Variants in KIF1B observed in about 807,000 individuals in gnomAD.
KIF1B encodes kinesin-like protein KIF1B.
A neutral mutation model predicts 241.9 loss-of-function variants in KIF1B; 76 were observed. The observed-to-expected ratio is 0.31, with a 90% confidence interval of 0.26 to 0.38. The LOEUF (loss-of-function observed/expected upper bound fraction) is 0.38. Ranked by LOEUF, KIF1B falls within the 10% of genes least tolerant of loss-of-function variation. The pLI, the probability that KIF1B is intolerant of heterozygous loss-of-function variation, is 1.00. For synonymous variants in KIF1B, 750 were observed against 796.7 expected, an observed-to-expected ratio of 0.94 and a Z score of 0.99; for missense variants, 1,622 against 2,271.4, an observed-to-expected ratio of 0.71 and a Z score of 5.81.
In KIF1B at chr1:10,268,249, C is replaced by T; in HGVS notation, c.706C>T (p.Leu236Phe). The T allele has an allele frequency of 1.2e-6, 2 of 1,606,272 alleles. No individual in the cohort carries two copies. Among genetic ancestry groups the T allele is most frequent in the Non-Finnish European group, 1.7e-6 (2 of 1,172,854 alleles). ...GAAGAAACACGATAATGAGACCAACCTTTCCACTGAGAAGGTAGGAGAGTT... is the reference window on the plus strand; with the variant it reads ...GAAGAAACACGATAATGAGACCAACTTTTCCACTGAGAAGGTAGGAGAGTT... ...TQKKHDNETN[L>F]STEKVSKISL... The change falls in exon 7 of 49, where the codon CTT becomes TTT. Residue 236 changes from leucine (L) to phenylalanine (F), a missense_variant. By Grantham distance (22) the Leu-to-Phe change is conservative. Around this residue, in one of 7 missense-constraint regions of KIF1B, gnomAD observed 201 missense variants for 301.2 expected, o/e 0.67. Transcript: ENST00000676179.
At chr1:10,252,052 A>G (rs1281835205) in intron 2 of KIF1B, among the ~76,000 whole-genome samples, 1 of 151,576 alleles carries the variant, frequency 6.6e-6, no homozygotes, top group Non-Finnish European at 1.5e-5. Context: ...TTATTTATTT[A>G]TTTTTGAGAT....
chr1:10,295,317 G>A (rs1267600441), intron 18 of KIF1B, 152 bp downstream of exon 18: 9 of 675,186 alleles, frequency 1.3e-5, no homozygotes, highest in East Asian at 2.7e-5. Flanking sequence ...TCCAAATAAT[G>A]TGTTTTTGCC....
chr1:10,335,166 G>A (rs966247163), intron 28 of KIF1B, among the ~76,000 whole-genome samples: 8 of 152,200 alleles, frequency 5.3e-5, no homozygotes, highest in African/African-American at 1.9e-4. Flanking sequence ...AGTCTCGATC[G>A]AACTCCTGAG....
At chr1:10,333,671 G>A (rs545109021) in intron 27 of KIF1B, among the ~76,000 whole-genome samples, 3 of 152,092 alleles carry the variant, frequency 2.0e-5, no homozygotes, top group African/African-American at 7.2e-5. Context: ...CAGCCTGGGT[G>A]ACAGAGTGAG....
intron 24 of KIF1B, 104 bp downstream of exon 24, chr1:10,321,961 C>A: frequency 8.1e-7 from 1 of 1,241,464 alleles, no homozygotes; most frequent in South Asian, 1.3e-5. Context: ...GGGAACTCAG[C>A]TGCTTTGTGC....
chr1:10,297,769 A>G (rs1420915500), intron 22 of KIF1B, among the ~76,000 whole-genome samples: 1 of 150,632 alleles, frequency 6.6e-6, no homozygotes, highest in Non-Finnish European at 1.5e-5. Context: ...TCCTTTCCTT[A>G]TCCCCTGCAT....
intron 44 of KIF1B, among the ~76,000 whole-genome samples, chr1:10,370,367 GC>G (rs1638695545): frequency 1.3e-5 from 2 of 152,070 alleles, no homozygotes; most frequent in African/African-American, 4.8e-5. Flanking sequence ...TTCAAGACGA[GC>G]CTGGGCAACA....
At position 10,232,263 on chromosome 1, in the gene KIF1B, A is replaced by G. The variant is rs1646993158; in HGVS notation, c.-66A>G. On this transcript the variant is annotated 5_prime_UTR_variant, in exon 2 of 49. Transcript: ENST00000676179. ...TTCTTTTCAAAGGAAACTTGGCTGT[A>G]ACTTCAAAAGAAGATTTGATTCTTT... The G allele has an allele frequency of 7.9e-7, 1 of 1,269,208 alleles. No individual in the cohort carries two copies. Among genetic ancestry groups the G allele is most frequent in the Non-Finnish European group, 1.1e-6 (1 of 887,462 alleles). The allele number at this position is 1,269,208 out of a possible 1,614,324, so 78.6% of individuals were successfully genotyped here. A position where few individuals can be genotyped will look rare whatever the true frequency, so the allele number is the denominator to read the frequency against.
In KIF1B at chr1:10,303,452, G is replaced by A. The variant is rs776546149; in HGVS notation, c.2115+6206G>A. The A allele has an allele frequency of 2.7e-5, 44 of 1,614,076 alleles. No homozygotes were observed. Among genetic ancestry groups the A allele is most frequent in the African/African-American group, 4.0e-5 (3 of 74,924 alleles). On this transcript the variant is annotated intron_variant, in intron 22 of 48. Coordinates refer to ENST00000676179, the MANE Select transcript of KIF1B (RefSeq NM_001365951.3). The surrounding 1 kb of genome is among the most constrained non-coding windows in gnomAD (Gnocchi z 5.2). ...GCTCTCAATGACTTCAGGCACAGTC[G>A]GCAGGAGATTGAAGCCCTGGCCATT...
chr1:10,292,403 G>T, intron 17 of KIF1B: 1 of 373,480 alleles, frequency 2.7e-6, no homozygotes, highest in Non-Finnish European at 5.0e-6. Flanking sequence ...TTTATTTGTT[G>T]CTTTCTCTTA....
chr1:10,214,207 C>T (rs1036798865), intron 1 of KIF1B, among the ~76,000 whole-genome samples: 1 of 152,086 alleles, frequency 6.6e-6, no homozygotes, highest in African/African-American at 2.4e-5. Context: ...TTACTATAGG[C>T]ATTACCCATT....
At chr1:10,281,665 T>C (rs1365048546) in intron 14 of KIF1B, among the ~76,000 whole-genome samples, 1 of 152,228 alleles carries the variant, frequency 6.6e-6, no homozygotes, top group Non-Finnish European at 1.5e-5. Context: ...GGCAATCAAT[T>C]AGTCCTGAGT....
chr1:10,223,546 GTTTTT>G (rs113574017), intron 1 of KIF1B, among the ~76,000 whole-genome samples: 2 of 131,248 alleles, frequency 1.5e-5, no homozygotes, highest in Admixed American at 7.5e-5. Context: ...GTTTTGTTTT[GTTTTT>G]TTTTTTTTTT....
intron 2 of KIF1B, among the ~76,000 whole-genome samples, chr1:10,244,301 CTTT>C (rs113257444): frequency 4.5e-4 from 63 of 141,236 alleles, no homozygotes; most frequent in African/African-American, 1.6e-3. Flanking sequence ...TGCCATTTTT[CTTT>C]TTTTTCTTTT....
chr1:10,292,113 A>C lies in KIF1B; in HGVS notation c.1581A>C (p.Ser527=). 1 of 1,613,670 alleles carries C rather than the reference A, an allele frequency of 6.2e-7. No individual in the cohort carries two copies. The highest frequency in any genetic ancestry group is 8.5e-7 in the Non-Finnish European group (1 of 1,179,620). The change falls in exon 17 of 49, where the codon TCA becomes TCC. Residue 527 remains serine (S), a synonymous_variant. Transcript: ENST00000676179. ...REDGGTLGVF[S]PKKTPHLVNL... ...ATGGAGGAACCCTAGGGGTTTTCTC[A>C]CCTAAAAAGGTAGGAAACAATGCTG... is the stretch of plus-strand genomic sequence containing the variant.
chr1:10,365,090 CTT>C lies in KIF1B; in HGVS notation c.4367-9_4367-8del, dbSNP rs760020005. On this transcript the variant is annotated splice_region_variant and splice_polypyrimidine_tract_variant and intron_variant, in intron 41 of 48. Coordinates refer to ENST00000676179, the MANE Select transcript of KIF1B (RefSeq NM_001365951.3). This position sits in a 1 kb window ranked among gnomAD's most constrained non-coding sequence, Gnocchi z 4.0. ...TTTCTGAAACAAAAACTTGTTTCCTCTTGTCTTAGGTATGCAGAGAAGGAGAA... is the reference window on the plus strand; with the variant it reads ...TTTCTGAAACAAAAACTTGTTTCCTCGTCTTAGGTATGCAGAGAAGGAGAA... 3 of 1,611,392 alleles carry C rather than the reference CTT, an allele frequency of 1.9e-6. No individual in the cohort carries two copies. Among genetic ancestry groups the C allele is most frequent in the Middle Eastern group, 1.7e-4 (1 of 6,018 alleles).
chr1:10,375,401 GTTTTTGAGACGGAGTCTCAC>G (rs778627341), intron 48 of KIF1B, 28 bp downstream of exon 48: 18 of 1,564,660 alleles, frequency 1.2e-5, no homozygotes, highest in Non-Finnish European at 1.5e-5. Context: ...TGTTGTTGTT[GTTTTTGAGACGGAGTCTCAC>G]TTTTTCTCCC....
chr1:10,374,745 G>A lies in KIF1B; in HGVS notation c.5097-109G>A. On this transcript the variant is annotated intron_variant, in intron 46 of 48. Coordinates refer to ENST00000676179, the MANE Select transcript of KIF1B (RefSeq NM_001365951.3). This position sits in a 1 kb window ranked among gnomAD's most constrained non-coding sequence, Gnocchi z 4.3. ...TCTAGGCCAAATAGGTCATTTGCCTGTTTCATCGAATCTAAGGACTTGGCC... is the reference window on the plus strand; with the variant it reads ...TCTAGGCCAAATAGGTCATTTGCCTATTTCATCGAATCTAAGGACTTGGCC... 1.8e-6 allele frequency: 2 copies of A among 1,114,146 alleles called. No homozygotes were observed. The highest frequency in any genetic ancestry group is 2.4e-5 in the East Asian group (1 of 41,018). 69.0% of individuals were successfully genotyped at this position (1,114,146 alleles called of 1,614,324 possible).
intron 27 of KIF1B, among the ~76,000 whole-genome samples, chr1:10,331,174 A>G (rs546105023): frequency 2.0e-5 from 3 of 151,934 alleles, no homozygotes; most frequent in Non-Finnish European, 2.9e-5. Flanking sequence ...GACATGTGCG[A>G]TGGCTCTTTA....
Sources: allele counts gnomAD v4.1 joint callset (sites outside exome capture counted in the v4.1 genomes callset), GRCh38; gene constraint gnomAD v4.1.1; regional missense constraint gnomAD v4.1.1; non-coding constraint Gnocchi (gnomAD v3.1); transcripts MANE v1.5; gene names NCBI Gene and HGNC (gene_info 2026-07-23, HGNC 2026-07-21).